Variants in KCTD20 observed in about 807,000 individuals in gnomAD.
KCTD20 encodes potassium channel tetramerization domain containing 20, also known as BTB/POZ domain-containing protein KCTD20.
KCTD20 carries 30 observed loss-of-function variants against 39.6 expected under a neutral mutation model. The observed-to-expected ratio is 0.76, with a 90% CI of 0.57 to 1.03. The LOEUF (loss-of-function observed/expected upper bound fraction) is 1.03. Among genes scored for constraint, KCTD20 ranks in the 50% least tolerant of loss-of-function variants. The pLI is 0.00. For missense variants in KCTD20, 422 were observed against 522.0 expected, an observed-to-expected ratio of 0.81 and a Z score of 1.87; for synonymous variants, 162 against 180.6, an observed-to-expected ratio of 0.90 and a Z score of 0.83.
At chr6:36,479,877 C>T (rs945329829) in intron 5 of KCTD20, among the ~76,000 whole-genome samples, 166 bp downstream of exon 5, 43 of 150,576 alleles carry the variant, frequency 2.9e-4, no homozygotes, top group African/African-American at 7.3e-4. Flanking sequence ...CCGCAACCTC[C>T]GCCTCCTGGG....
At position 36,460,443 on chromosome 6, in the gene KCTD20, A is replaced by G. The variant is rs765282884; in HGVS notation, c.-46-9609A>G. ...CTCGGCCTCCCGAGTAGTTAGAACT[A>G]CAGGTGCCCACCATCACACCCAGCT... On this transcript the variant is annotated intron_variant, in intron 1 of 7. Coordinates refer to ENST00000373731, the MANE Select transcript of KCTD20 (RefSeq NM_173562.5). Among the ~76,000 whole-genome samples, 4 of 152,112 alleles carry G rather than the reference A, an allele frequency of 2.6e-5. No homozygotes were observed. In the East Asian group the frequency reaches 7.7e-4, roughly 29 times the overall value.
intron 1 of KCTD20, among the ~76,000 whole-genome samples, chr6:36,467,704 C>G (rs182124581): frequency 2.0e-5 from 3 of 152,110 alleles, no homozygotes; most frequent in Admixed American, 1.3e-4. Context: ...AAACTGAATC[C>G]TCTCTTGGAG....
intron 7 of KCTD20, among the ~76,000 whole-genome samples, chr6:36,486,070 AT>A (rs569771462): frequency 6.2e-4 from 93 of 150,282 alleles, no homozygotes; most frequent in African/African-American, 2.2e-3. Context: ...ATGCTCCACT[AT>A]TTTTTTTTAA....
chr6:36,479,281 C>T (rs983894758), intron 4 of KCTD20, 58 bp downstream of exon 4: 21 of 1,192,206 alleles, frequency 1.8e-5, no homozygotes, highest in African/African-American at 4.6e-5. Flanking sequence ...TGATCAATAG[C>T]CTTGAGAGTT....
chr6:36,456,531 G>T (rs1043729430), intron 1 of KCTD20, among the ~76,000 whole-genome samples: 4 of 149,666 alleles, frequency 2.7e-5, no homozygotes, highest in Non-Finnish European at 4.4e-5. Context: ...CGCCCACCTT[G>T]GCCTCCCAGA....
At chr6:36,450,498 AAAAG>A (rs1213514925) in intron 1 of KCTD20, among the ~76,000 whole-genome samples, 1 of 151,806 alleles carries the variant, frequency 6.6e-6, no homozygotes, top group African/African-American at 2.4e-5. Flanking sequence ...AAAAAAAAAA[AAAAG>A]AAAGGTTATG....
chr6:36,484,229 C>T (rs765737798), intron 6 of KCTD20, among the ~76,000 whole-genome samples: 1 of 152,192 alleles, frequency 6.6e-6, no homozygotes, highest in Admixed American at 6.5e-5. Context: ...GCCACCACAC[C>T]CAGCCAAAAC....
At chr6:36,453,154 C>T (rs964408295) in intron 1 of KCTD20, among the ~76,000 whole-genome samples, 7 of 151,056 alleles carry the variant, frequency 4.6e-5, no homozygotes, top group South Asian at 2.1e-4. Flanking sequence ...ATTACAGACG[C>T]GTGCCACTAC....
chr6:36,450,187 A>G (rs1775202278), intron 1 of KCTD20, among the ~76,000 whole-genome samples: 1 of 105,378 alleles, frequency 9.5e-6, no homozygotes, highest in South Asian at 3.2e-4. Context: ...AAAAAAAAAA[A>G]AAAGAAGTTA....
chr6:36,466,469 C>T (rs185029805), intron 1 of KCTD20, among the ~76,000 whole-genome samples: 2 of 151,350 alleles, frequency 1.3e-5, no homozygotes, highest in Non-Finnish European at 2.9e-5. Context: ...ACAGCCTCGA[C>T]CTCCTGGGCT....
intron 1 of KCTD20, among the ~76,000 whole-genome samples, chr6:36,467,040 G>A (rs900061251): frequency 6.6e-5 from 10 of 152,042 alleles, no homozygotes; most frequent in East Asian, 1.9e-4. Context: ...GGGTGTGGTC[G>A]TGCACACCTG....
rs1776539948 is a variant in KCTD20, at chr6:36,490,083, CTG to C, written c.*2911_*2912del. 6.6e-6 allele frequency: 1 copy of C among 152,200 alleles called. No homozygotes were observed. Among genetic ancestry groups the C allele is most frequent in the Non-Finnish European group, 1.5e-5 (1 of 68,042 alleles). The allele number at this position is 152,200 out of a possible 1,614,324, so 9.4% of individuals were successfully genotyped here. A position where few individuals can be genotyped will look rare whatever the true frequency, so the allele number is the denominator to read the frequency against. ...TAATATATACAGGTCTATGAAAATA[CTG>C]TGGAATAAGCCCAGGAAGGTTAGAT... is the stretch of plus-strand genomic sequence containing the variant. On this transcript the variant is annotated 3_prime_UTR_variant, in exon 8 of 8. Coordinates refer to ENST00000373731, the MANE Select transcript of KCTD20 (RefSeq NM_173562.5).
At chr6:36,465,684 AT>A (rs1775730544) in intron 1 of KCTD20, 1 of 152,126 alleles carries the variant, frequency 6.6e-6, no homozygotes, top group South Asian at 2.1e-4. Flanking sequence ...TGATAAAACT[AT>A]TTTGCTGTTC....
intron 1 of KCTD20, among the ~76,000 whole-genome samples, chr6:36,459,453 T>C (rs1197634055): frequency 6.6e-6 from 1 of 152,250 alleles, no homozygotes; most frequent in Admixed American, 6.5e-5. Context: ...TTTAATACAA[T>C]AGTGCTGCTT....
intron 1 of KCTD20, among the ~76,000 whole-genome samples, chr6:36,448,013 GTGTATATATATA>G (rs1240552944): frequency 3.1e-5 from 4 of 128,952 alleles, no homozygotes; most frequent in Admixed American, 7.8e-5. Flanking sequence ...GTATGTGTGT[GTGTATATATATA>G]TATATATATA....
chr6:36,480,466 C>T (rs1776211828), intron 5 of KCTD20, among the ~76,000 whole-genome samples: 1 of 138,638 alleles, frequency 7.2e-6, no homozygotes, highest in Non-Finnish European at 1.5e-5. Context: ...CTATGTTGCT[C>T]AGGCTGGTCT....
rs1466102047 is a variant in KCTD20, at chr6:36,446,027, T to TTTTTTTG, written c.-47+2922_-47+2923insGTTTTTT. 7.3e-4 allele frequency among the ~76,000 whole-genome samples: 107 copies of TTTTTTTG among 146,832 alleles called. 2 individuals are homozygous for TTTTTTTG. In the East Asian group the frequency reaches 0.019, roughly 26 times the overall value. ...CCCCAGAAATGTTATGAACTCAGTT[T>TTTTTTTG]TTTTTTTTTTTCTTTTGAGACAGAG... On this transcript the variant is annotated intron_variant, in intron 1 of 7. Transcript: ENST00000373731.
rs78853588 is a variant in KCTD20, at chr6:36,474,901, T to A, written c.273T>A (p.His91Gln). Reference protein sequence around the residue: ...SCFQSGNKRNHEPFIAPERFG... With the variant: ...SCFQSGNKRNQEPFIAPERFG... ...TCCAAAGTGGGAATAAACGGAACCA[T>A]GAACCTTTTATTGCTCCAGAAAGAT... is the stretch of plus-strand genomic sequence containing the variant. The change falls in exon 3 of 8, where the codon CAT becomes CAA. Residue 91 changes from histidine to glutamine, a missense_variant. His to Gln is a conservative substitution (Grantham distance 24). Coordinates refer to ENST00000373731, the MANE Select transcript of KCTD20 (RefSeq NM_173562.5). The A allele has an allele frequency of 4.2e-4, 674 of 1,614,130 alleles. 2 individuals are homozygous for A. In the East Asian group the frequency reaches 4.4e-3, roughly 11 times the overall value.
At chr6:36,462,821 CCTT>C (rs1399680402) in intron 1 of KCTD20, among the ~76,000 whole-genome samples, 2 of 152,144 alleles carry the variant, frequency 1.3e-5, no homozygotes, top group Admixed American at 6.5e-5. Context: ...ATTTTAGTAA[CCTT>C]CTCTTATAGC....
Sources: allele counts gnomAD v4.1 joint callset (sites outside exome capture counted in the v4.1 genomes callset), GRCh38; gene constraint gnomAD v4.1.1; transcripts MANE v1.5; gene names NCBI Gene and HGNC (gene_info 2026-07-23, HGNC 2026-07-21).